Variants in NAV3 observed in about 807,000 individuals in gnomAD.
The protein encoded by NAV3 is pore membrane and/or filament interacting like protein 1.
Under a neutral mutation model 244.7 loss-of-function variants are expected in NAV3, and 87 were observed. The ratio of observed to expected loss-of-function variants is 0.36; its 90% CI spans 0.30 to 0.42. The LOEUF (loss-of-function observed/expected upper bound fraction) is 0.42. Among genes scored for constraint, NAV3 ranks in the 20% least tolerant of loss-of-function variants. NAV3 has a pLI of 1.00. For missense variants in NAV3, 2,663 were observed against 2,893.3 expected (o/e 0.92, Z 1.83); for synonymous variants, 1,126 against 1,042.2 (o/e 1.08, Z -1.55).
intron 30 of NAV3, among the ~76,000 whole-genome samples, chr12:78,185,045 C>T (rs547852349): frequency 1.3e-5 from 2 of 151,744 alleles, no homozygotes; most frequent in South Asian, 2.1e-4. Context: ...TAAAGGATTC[C>T]GGAGAGCAAT....
intron 1 of NAV3, among the ~76,000 whole-genome samples, chr12:77,872,587 C>G (rs768221419): frequency 6.6e-6 from 1 of 152,058 alleles, no homozygotes; most frequent in African/African-American, 2.4e-5. Context: ...TAGGACAGAA[C>G]CACTAGTTCA....
chr12:78,052,031 AAC>A (rs1435964440), intron 11 of NAV3: 1 of 152,186 alleles, frequency 6.6e-6, no homozygotes, highest in Non-Finnish European at 1.5e-5. Flanking sequence ...TCTGACTTCA[AAC>A]ACAGGCTCAG....
At chr12:77,901,099 G>C (rs905906159) in intron 1 of NAV3, among the ~76,000 whole-genome samples, 2 of 152,116 alleles carry the variant, frequency 1.3e-5, no homozygotes, top group East Asian at 1.9e-4. Flanking sequence ...CTTTGATTAA[G>C]TTCCTTACAG....
chr12:78,003,780 C>T (rs1302416345), intron 7 of NAV3, among the ~76,000 whole-genome samples: 1 of 152,192 alleles, frequency 6.6e-6, no homozygotes, highest in African/African-American at 2.4e-5. Flanking sequence ...GATAACTAGA[C>T]ATTAGTTCTG....
intron 12 of NAV3, 46 bp downstream of exon 12, chr12:78,059,161 T>C: frequency 1.3e-6 from 2 of 1,571,286 alleles, no homozygotes; most frequent in Non-Finnish European, 1.7e-6. Flanking sequence ...ATGAAGTAAT[T>C]TTATAAATAA....
chr12:77,892,464 G>A (rs1884054279), intron 1 of NAV3, among the ~76,000 whole-genome samples: 1 of 151,016 alleles, frequency 6.6e-6, no homozygotes, highest in South Asian at 2.1e-4. Context: ...CACCCATACT[G>A]GAGTGCAGTG....
intron 2 of NAV3, among the ~76,000 whole-genome samples, chr12:77,743,105 T>C (rs1006439169): frequency 2.6e-5 from 4 of 152,004 alleles, no homozygotes; most frequent in Non-Finnish European, 5.9e-5. Flanking sequence ...TGATTCATCT[T>C]GTAAACAGAC....
intron 2 of NAV3, among the ~76,000 whole-genome samples, chr12:77,813,010 A>G (rs1217062366): frequency 6.6e-6 from 1 of 151,982 alleles, no homozygotes; most frequent in Admixed American, 6.6e-5. Context: ...TTTAGTAGAC[A>G]CGGGGTTTTA....
At chr12:77,952,724 A>G (rs1891018494) in intron 3 of NAV3, among the ~76,000 whole-genome samples, 1 of 152,156 alleles carries the variant, frequency 6.6e-6, no homozygotes, top group Non-Finnish European at 1.5e-5. Flanking sequence ...CTATGCCCAA[A>G]CTTGCAATAT....
chr12:77,593,381 C>G (rs1248202920), intron 2 of NAV3, among the ~76,000 whole-genome samples: 3 of 151,744 alleles, frequency 2.0e-5, no homozygotes, highest in Admixed American at 2.0e-4. Context: ...TCCCCTTGTT[C>G]TCTCCCTGTC....
intron 2 of NAV3, among the ~76,000 whole-genome samples, chr12:77,757,465 A>T (rs1341321499): frequency 6.6e-6 from 1 of 152,220 alleles, no homozygotes; most frequent in Non-Finnish European, 1.5e-5. Flanking sequence ...TTCATTCCTT[A>T]AACATATATT....
chr12:77,959,064 C>G (rs528676684), intron 3 of NAV3, among the ~76,000 whole-genome samples: 6 of 152,082 alleles, frequency 3.9e-5, no homozygotes, highest in Admixed American at 3.9e-4. Context: ...ATGTATTACT[C>G]TAGTGTGAAC....
At chr12:78,102,659 C>T (rs778388745) in intron 12 of NAV3, among the ~76,000 whole-genome samples, 1 of 152,230 alleles carries the variant, frequency 6.6e-6, no homozygotes, top group Non-Finnish European at 1.5e-5. Flanking sequence ...CTGCAGAAAA[C>T]TCTTTCCTGG....
intron 5 of NAV3, among the ~76,000 whole-genome samples, chr12:77,969,020 A>G (rs1892759397): frequency 1.3e-5 from 2 of 152,088 alleles, no homozygotes; most frequent in African/African-American, 4.8e-5. Flanking sequence ...AGAATGTGCT[A>G]TTGAGTCCTA....
At chr12:78,192,627 G>T (rs950161730) in intron 34 of NAV3, among the ~76,000 whole-genome samples, 2 of 151,710 alleles carry the variant, frequency 1.3e-5, no homozygotes, top group African/African-American at 4.8e-5. Context: ...TAGCAGGATG[G>T]TCTCAATCCC....
intron 3 of NAV3, among the ~76,000 whole-genome samples, chr12:77,962,234 G>T (rs1383287954): frequency 6.6e-6 from 1 of 151,846 alleles, no homozygotes; most frequent in Admixed American, 6.6e-5. Flanking sequence ...ACACACTTTT[G>T]TTGATAATCC....
intron 2 of NAV3, among the ~76,000 whole-genome samples, chr12:77,616,481 C>T (rs116125774): frequency 2.0e-5 from 3 of 151,904 alleles, no homozygotes; most frequent in African/African-American, 4.8e-5. Flanking sequence ...TTTTGAAGAC[C>T]CTTTGTATAT....
In NAV3 at chr12:77,658,580, A is replaced by C. The variant is rs976747879; in HGVS notation, c.72+86314A>C. Among the ~76,000 whole-genome samples, 4 of 152,082 alleles carry C rather than the reference A, an allele frequency of 2.6e-5. No individual in the cohort carries two copies. The East Asian group carries it at 7.7e-4, about 29-fold the overall frequency. ...TGCCATCCCCATCAAGCTACCAATG[A>C]CTTTCTTCACAGAATTGGAAAAAAC... On this transcript the variant is annotated intron_variant, in intron 2 of 8. Coordinates refer to the NAV3 transcript ENST00000550042.
intron 2 of NAV3, among the ~76,000 whole-genome samples, chr12:77,749,984 T>C (rs780847559): frequency 2.0e-5 from 3 of 152,220 alleles, no homozygotes; most frequent in Admixed American, 6.5e-5. Flanking sequence ...TTTCAGGTGA[T>C]TCTGCAGTTC....
Sources: gnomAD v4.1 joint callset for allele counts (sites outside exome capture counted in the v4.1 genomes callset) on GRCh38, gnomAD v4.1.1 for gene constraint, MANE v1.5 for transcripts, NCBI Gene and HGNC (gene_info 2026-07-23, HGNC 2026-07-21) for gene names.